Variants in EPHA6 observed in about 807,000 individuals in gnomAD.
EPHA6 encodes ephrin type-A receptor 6.
Under a neutral mutation model 112.0 loss-of-function variants are expected in EPHA6, and 50 were observed. The ratio of observed to expected loss-of-function variants is 0.45; its 90% CI spans 0.36 to 0.56. The LOEUF (loss-of-function observed/expected upper bound fraction) is 0.56. EPHA6 is among the 20% of genes least tolerant of loss of function. The probability of loss-of-function intolerance (pLI) is 0.00; values close to 1 mark genes in which losing one functional copy is unlikely to be tolerated. For synonymous variants in EPHA6, 529 were observed against 490.7 expected (o/e 1.08, Z -1.03); for missense variants, 1,280 against 1,417.4 (o/e 0.90, Z 1.56).
At chr3:96,930,384 G>A (rs899229245) in intron 2 of EPHA6, among the ~76,000 whole-genome samples, 2 of 152,238 alleles carry the variant, frequency 1.3e-5, no homozygotes, top group East Asian at 1.9e-4. Flanking sequence ...TGGGGTTTTT[G>A]TGGGGTCTTT....
At chr3:97,077,833 C>G (rs1320617426) in intron 3 of EPHA6, among the ~76,000 whole-genome samples, 6 of 151,916 alleles carry the variant, frequency 3.9e-5, no homozygotes, top group Admixed American at 6.6e-5. Context: ...TTGCTATTGT[C>G]AATAGTGTTG....
At chr3:97,649,791 C>CAA (rs1491032080) in intron 14 of EPHA6, among the ~76,000 whole-genome samples, 3 of 144,408 alleles carry the variant, frequency 2.1e-5, no homozygotes, top group African/African-American at 7.8e-5. Flanking sequence ...CACACACACA[C>CAA]AACAATAGTT....
intron 5 of EPHA6, among the ~76,000 whole-genome samples, chr3:97,331,833 G>A (rs28824824): frequency 0.043 from 6,538 of 152,238 alleles, 432 homozygotes; most frequent in African/African-American, 0.14. Flanking sequence ...GAGGTACAAG[G>A]AGGAGCTGGT....
chr3:97,481,634 C>G (rs1044586683), intron 9 of EPHA6: 1 of 435,196 alleles, frequency 2.3e-6, no homozygotes, highest in South Asian at 2.0e-5. Flanking sequence ...CTAGGCCCGC[C>G]GCTTGGAGAC....
At chr3:97,025,481 C>T (rs2044605958) in intron 3 of EPHA6, among the ~76,000 whole-genome samples, 1 of 152,152 alleles carries the variant, frequency 6.6e-6, no homozygotes, top group Non-Finnish European at 1.5e-5. Flanking sequence ...TGCAGAAGCT[C>T]TTTTCATTAA....
chr3:97,176,432 C>T (rs2076836431), intron 3 of EPHA6, among the ~76,000 whole-genome samples: 1 of 151,744 alleles, frequency 6.6e-6, no homozygotes. Flanking sequence ...TGGAATTATT[C>T]CCTCCTTCTC....
At chr3:96,832,441 T>C (rs1476177302) in intron 1 of EPHA6, among the ~76,000 whole-genome samples, 1 of 152,084 alleles carries the variant, frequency 6.6e-6, no homozygotes, top group Non-Finnish European at 1.5e-5. Context: ...CTGATAAAAC[T>C]CTTATTCTGC....
At chr3:96,999,067 G>C (rs1465514566) in intron 3 of EPHA6, among the ~76,000 whole-genome samples, 1 of 151,700 alleles carries the variant, frequency 6.6e-6, no homozygotes, top group Non-Finnish European at 1.5e-5. Context: ...TATATTTTAA[G>C]GTCCCATTCT....
chr3:97,407,535 A>G (rs1016211411), intron 6 of EPHA6, among the ~76,000 whole-genome samples: 4 of 151,844 alleles, frequency 2.6e-5, no homozygotes, highest in Non-Finnish European at 5.9e-5. Flanking sequence ...TCAGAAAGAA[A>G]ACATATTGCT....
chr3:97,481,132 A>T (rs1340589383), intron 9 of EPHA6: 4 of 644,438 alleles, frequency 6.2e-6, no homozygotes, highest in Non-Finnish European at 1.2e-5. Context: ...GGTGGCTGGG[A>T]GGTGGAGGTT....
intron 5 of EPHA6, among the ~76,000 whole-genome samples, chr3:97,345,464 A>G (rs940837579): frequency 6.6e-6 from 1 of 152,158 alleles, no homozygotes; most frequent in African/African-American, 2.4e-5. Flanking sequence ...AGGACTCCAT[A>G]AAAGCATGAA....
intron 2 of EPHA6, among the ~76,000 whole-genome samples, chr3:96,979,769 T>A (rs2042683129): frequency 6.6e-6 from 1 of 152,188 alleles, no homozygotes; most frequent in African/African-American, 2.4e-5. Context: ...GGTATCTCAT[T>A]GTGGTTTTGA....
At chr3:96,950,996 C>T (rs1469732765) in intron 2 of EPHA6, among the ~76,000 whole-genome samples, 1 of 151,232 alleles carries the variant, frequency 6.6e-6, no homozygotes, top group East Asian at 1.9e-4. Context: ...GTGTTGACTT[C>T]TTTGCTTTTT....
intron 10 of EPHA6, among the ~76,000 whole-genome samples, chr3:97,529,040 C>T (rs1331027972): frequency 2.0e-5 from 3 of 152,128 alleles, no homozygotes; most frequent in Non-Finnish European, 2.9e-5. Context: ...TTCCAATCAT[C>T]TGTTCATATC....
intron 2 of EPHA6, among the ~76,000 whole-genome samples, chr3:96,947,636 C>A (rs563516465): frequency 6.6e-6 from 1 of 152,246 alleles, no homozygotes; most frequent in African/African-American, 2.4e-5. Flanking sequence ...CATGAGTGAA[C>A]TCCCATTCAC....
intron 5 of EPHA6, among the ~76,000 whole-genome samples, chr3:97,340,368 T>G (rs1420981677): frequency 1.3e-5 from 2 of 152,188 alleles, no homozygotes; most frequent in Middle Eastern, 3.4e-3. Flanking sequence ...AGTGAGGAGA[T>G]GGAGGTTTGG....
intron 13 of EPHA6, among the ~76,000 whole-genome samples, chr3:97,633,453 A>C (rs940713395): frequency 6.6e-6 from 1 of 152,072 alleles, no homozygotes. Context: ...CTTCAGTAAG[A>C]AGCCCCAAAA....
At chr3:97,021,580 A>G (rs2044461413) in intron 3 of EPHA6, among the ~76,000 whole-genome samples, 1 of 152,218 alleles carries the variant, frequency 6.6e-6, no homozygotes, top group African/African-American at 2.4e-5. Context: ...GTCAAAGATC[A>G]CGGTTATGGC....
At chr3:97,630,554 A>G (rs2093894283) in intron 13 of EPHA6, among the ~76,000 whole-genome samples, 1 of 152,084 alleles carries the variant, frequency 6.6e-6, no homozygotes, top group Non-Finnish European at 1.5e-5. Context: ...TAATCCTCCA[A>G]GGACTGTTTT....
Sources: allele counts gnomAD v4.1 joint callset (sites outside exome capture counted in the v4.1 genomes callset), GRCh38; gene constraint gnomAD v4.1.1; transcripts MANE v1.5; gene names NCBI Gene and HGNC (gene_info 2026-07-23, HGNC 2026-07-21).